PPP1R9A: variants seen among roughly 807,000 people sequenced by gnomAD.
The protein encoded by PPP1R9A is neurabin-1.
In PPP1R9A, 59 loss-of-function variants were observed where a neutral mutation model predicts 141.9. The ratio of observed to expected loss-of-function variants is 0.42; its 90% confidence interval spans 0.34 to 0.52. The LOEUF (loss-of-function observed/expected upper bound fraction) is 0.52, where lower values mean the gene tolerates loss of function less well. PPP1R9A is among the 20% of genes least tolerant of loss of function. PPP1R9A has a pLI of 0.10. For synonymous variants in PPP1R9A, 500 were observed against 569.7 expected (o/e 0.88, Z 1.74); for missense variants, 1,444 against 1,611.9 (o/e 0.90, Z 1.78).
chr7:95,210,629 C>T (rs1376978644), intron 7 of PPP1R9A, among the ~76,000 whole-genome samples: 1 of 152,080 alleles, frequency 6.6e-6, no homozygotes, highest in Admixed American at 6.6e-5. Flanking sequence ...CCATTTGACC[C>T]AGCAATCCAA....
At chr7:95,215,237 T>G (rs1363661040) in intron 7 of PPP1R9A, among the ~76,000 whole-genome samples, 1 of 151,398 alleles carries the variant, frequency 6.6e-6, no homozygotes, top group Non-Finnish European at 1.5e-5. Flanking sequence ...TTTTTTGTTC[T>G]TGCAACAGTT....
rs1272695149 is a variant in PPP1R9A, at chr7:95,007,870, G to A, written c.1395+96362G>A. Among the ~76,000 whole-genome samples, 4 of 152,068 alleles carry A rather than the reference G, an allele frequency of 2.6e-5. No individual in the cohort carries two copies. In the East Asian group the frequency reaches 7.7e-4, roughly 29 times the overall value. ...GCGGATCACCTGAGGTCAGGAGCTC[G>A]AGACCAACCTGATCAACATGGTGAA... is the stretch of plus-strand genomic sequence containing the variant. On this transcript the variant is annotated intron_variant, in intron 2 of 19. Coordinates refer to ENST00000433360, the MANE Select transcript of PPP1R9A (RefSeq NM_001166160.2).
At chr7:95,191,974 C>T (rs1835569934) in intron 5 of PPP1R9A, among the ~76,000 whole-genome samples, 1 of 152,002 alleles carries the variant, frequency 6.6e-6, no homozygotes, top group Non-Finnish European at 1.5e-5. Context: ...TTTGGTCACA[C>T]ATATTTAGGA....
chr7:95,288,607 G>A lies in PPP1R9A; in HGVS notation c.3801G>A (p.Gln1267=). 1.2e-6 allele frequency: 2 copies of A among 1,614,110 alleles called. No homozygotes were observed. Among genetic ancestry groups the A allele is most frequent in the Non-Finnish European group, 1.7e-6 (2 of 1,180,020 alleles). ...GGGCCGTTCAGGAATGGAGTGTGCA[G>A]CAGGTTTCTCACTGGTTAATGAGCC... ...QNRAVQEWSV[Q]QVSHWLMSLN... is the part of the protein sequence containing the mutation. The change falls in exon 19 of 20, where the codon CAG becomes CAA. Residue 1267 remains glutamine (Q), a synonymous_variant. Coordinates refer to ENST00000433360, the MANE Select transcript of PPP1R9A (RefSeq NM_001166160.2).
intron 2 of PPP1R9A, among the ~76,000 whole-genome samples, chr7:94,966,958 G>A (rs113576917): frequency 7.9e-5 from 12 of 152,062 alleles, no homozygotes; most frequent in African/African-American, 1.9e-4. Context: ...GCTTTTTTTC[G>A]TTGGTAGGCT....
Position 94,955,077 on chromosome 7 carries a change from A to G in PPP1R9A, c.1395+43569A>G, listed in dbSNP as rs922484716. Among the ~76,000 whole-genome samples, 3 of 151,880 alleles carry G rather than the reference A, an allele frequency of 2.0e-5. 1 individual carries two copies. Among genetic ancestry groups the G allele is most frequent in the Non-Finnish European group, 1.5e-5 (1 of 67,892 alleles). ...ATTAATACAATTATTATTTATTTTC[A>G]TTTACATACCTGTTTTTCTTTTCAC... On this transcript the variant is annotated intron_variant, in intron 2 of 19. Coordinates refer to ENST00000433360, the MANE Select transcript of PPP1R9A (RefSeq NM_001166160.2).
At chr7:95,006,813 C>T (rs1408582284) in intron 2 of PPP1R9A, among the ~76,000 whole-genome samples, 3 of 152,010 alleles carry the variant, frequency 2.0e-5, no homozygotes, top group Non-Finnish European at 4.4e-5. Context: ...AGTTGTCTTA[C>T]CATTGTCTCC....
chr7:95,250,552 A>G (rs142337788), intron 10 of PPP1R9A, among the ~76,000 whole-genome samples: 216 of 152,238 alleles, frequency 1.4e-3, no homozygotes, highest in African/African-American at 5.1e-3. Context: ...TTCTTTTTGA[A>G]ACACCTCTAT....
chr7:94,989,177 G>GA (rs1189672123), intron 2 of PPP1R9A, among the ~76,000 whole-genome samples: 3 of 151,114 alleles, frequency 2.0e-5, no homozygotes, highest in East Asian at 1.9e-4. Flanking sequence ...AACCATATGT[G>GA]AAAAAAAACC....
intron 12 of PPP1R9A, among the ~76,000 whole-genome samples, chr7:95,268,030 T>C (rs1801574647): frequency 6.6e-6 from 1 of 152,116 alleles, no homozygotes; most frequent in Non-Finnish European, 1.5e-5. Context: ...AGAAACTGTT[T>C]TGGGTTGAAA....
chr7:95,121,204 A>C (rs988509129), intron 4 of PPP1R9A, among the ~76,000 whole-genome samples: 22 of 152,192 alleles, frequency 1.4e-4, no homozygotes, highest in Non-Finnish European at 3.1e-4. Flanking sequence ...CATCTTAAAA[A>C]ATGACACATG....
chr7:95,079,697 A>C (rs967710469), intron 2 of PPP1R9A, among the ~76,000 whole-genome samples: 4 of 152,210 alleles, frequency 2.6e-5, no homozygotes, highest in Non-Finnish European at 4.4e-5. Flanking sequence ...TCAATAAAAT[A>C]CTGGCAAACT....
At chr7:94,921,302 C>G (rs1792783001) in intron 2 of PPP1R9A, among the ~76,000 whole-genome samples, 1 of 151,902 alleles carries the variant, frequency 6.6e-6, no homozygotes, top group African/African-American at 2.4e-5. Flanking sequence ...AAAAAATTAG[C>G]TGGGCGTGGT....
chr7:95,232,937 C>A (rs957958725), intron 8 of PPP1R9A, among the ~76,000 whole-genome samples: 1 of 152,078 alleles, frequency 6.6e-6, no homozygotes, highest in East Asian at 1.9e-4. Context: ...TAAATTAGTT[C>A]GACCATTGTG....
At chr7:95,039,267 T>G (rs1414723514) in intron 2 of PPP1R9A, among the ~76,000 whole-genome samples, 7 of 151,956 alleles carry the variant, frequency 4.6e-5, no homozygotes. Context: ...AGTCGAAAAC[T>G]CGAATAAAAA....
chr7:95,016,537 A>AT (rs1805133554), intron 2 of PPP1R9A, among the ~76,000 whole-genome samples: 1 of 152,146 alleles, frequency 6.6e-6, no homozygotes, highest in Non-Finnish European at 1.5e-5. Flanking sequence ...TATCCTAAGA[A>AT]TACAAGGTTT....
intron 4 of PPP1R9A, among the ~76,000 whole-genome samples, chr7:95,147,493 C>T (rs1827849217): frequency 6.6e-6 from 1 of 152,196 alleles, no homozygotes; most frequent in Non-Finnish European, 1.5e-5. Context: ...TTATTTCTTT[C>T]TCTTGCCTGA....
intron 5 of PPP1R9A, among the ~76,000 whole-genome samples, chr7:95,179,245 C>T (rs928059469): frequency 6.6e-6 from 1 of 151,998 alleles, no homozygotes. Context: ...ATGTGATACA[C>T]TACATAAACA....
chr7:95,091,747 G>C (rs1309532325), intron 2 of PPP1R9A, among the ~76,000 whole-genome samples: 2 of 150,972 alleles, frequency 1.3e-5, no homozygotes, highest in Non-Finnish European at 2.9e-5. Flanking sequence ...GCCCTTTGCA[G>C]TTGTGGGGGC....
Sources: gnomAD v4.1 joint callset for allele counts (sites outside exome capture counted in the v4.1 genomes callset) on GRCh38, gnomAD v4.1.1 for gene constraint, MANE v1.5 for transcripts, NCBI Gene and HGNC (gene_info 2026-07-23, HGNC 2026-07-21) for gene names.